The following NCKAP5 variants were observed in gnomAD, a reference collection of about 807,000 sequenced individuals.
The protein encoded by NCKAP5 is nck-associated protein 5.
Under a neutral mutation model 167.0 loss-of-function variants are expected in NCKAP5, and 92 were observed. The observed-to-expected ratio is 0.55, with a 90% CI of 0.47 to 0.66. NCKAP5 has a LOEUF of 0.66. Ranked by LOEUF, NCKAP5 falls within the 30% of genes least tolerant of loss-of-function variation. NCKAP5 has a pLI of 0.00. For synonymous variants in NCKAP5, 891 were observed against 877.4 expected (o/e 1.02, Z -0.27); for missense variants, 2,378 against 2,315.0 (o/e 1.03, Z -0.56).
intron 4 of NCKAP5, among the ~76,000 whole-genome samples, chr2:133,281,139 A>G (rs2089920103): frequency 6.6e-6 from 1 of 152,234 alleles, no homozygotes; most frequent in Non-Finnish European, 1.5e-5. Flanking sequence ...CAGTAAGAAT[A>G]GAAGTGATTT....
intron 5 of NCKAP5, among the ~76,000 whole-genome samples, chr2:133,180,500 C>A (rs1351352764): frequency 1.3e-5 from 2 of 151,890 alleles, no homozygotes; most frequent in Non-Finnish European, 2.9e-5. Flanking sequence ...ACCAAGCCTG[C>A]CTAATTTTTG....
At chr2:133,256,514 T>C (rs1181291482) in intron 4 of NCKAP5, among the ~76,000 whole-genome samples, 1 of 152,232 alleles carries the variant, frequency 6.6e-6, no homozygotes, top group Non-Finnish European at 1.5e-5. Flanking sequence ...TAGGAAACTT[T>C]AGAAAATTAT....
chr2:132,785,077 C>T lies in NCKAP5; in HGVS notation c.1734G>A (p.Gln578=), dbSNP rs753042846. The part of the protein sequence containing the change: ...QGHGRMALNL[Q]LSDTDDNETF... Reference sequence around the variant, plus strand: ...TTTCATTGTCATCAGTGTCTGAAAGCTGGAGGTTGAGAGCCATGCGGCCAT... The same window carrying T: ...TTTCATTGTCATCAGTGTCTGAAAGTTGGAGGTTGAGAGCCATGCGGCCAT... The change falls in exon 14 of 20, where the codon CAG becomes CAA. Residue 578 remains glutamine, a synonymous_variant. Transcript: ENST00000409261. The T allele has an allele frequency of 2.5e-6, 4 of 1,614,076 alleles. No individual in the cohort carries two copies. In the East Asian group the frequency reaches 6.7e-5, roughly 27 times the overall value.
At chr2:133,589,906 A>G in the NCKAP5 span, among the ~76,000 whole-genome samples, 1 of 152,270 alleles carries the variant, frequency 6.6e-6, no homozygotes. Context: ...GCTAAGGCAA[A>G]GTTGGTTGAC....
At chr2:133,422,141 C>A (rs951089295) in intron 3 of NCKAP5, among the ~76,000 whole-genome samples, 1 of 152,164 alleles carries the variant, frequency 6.6e-6, no homozygotes, top group Non-Finnish European at 1.5e-5. Context: ...GCAAACAAAG[C>A]CAGAGAATTC....
chr2:132,863,627 C>T (rs1490248677), intron 10 of NCKAP5, among the ~76,000 whole-genome samples: 1 of 152,128 alleles, frequency 6.6e-6, no homozygotes. Context: ...TCACTATTGG[C>T]ACATCCAGCT....
chr2:133,296,669 G>C (rs940069017), intron 4 of NCKAP5, among the ~76,000 whole-genome samples: 6 of 152,120 alleles, frequency 3.9e-5, no homozygotes, highest in African/African-American at 1.4e-4. Context: ...TCAGTGCTGA[G>C]TAATCTTAAA....
At chr2:132,871,150 C>T (rs1019292198) in intron 9 of NCKAP5, among the ~76,000 whole-genome samples, 6 of 152,160 alleles carry the variant, frequency 3.9e-5, no homozygotes, top group Non-Finnish European at 7.4e-5. Context: ...GTTCCTTTAT[C>T]ACTTTATTTA....
At chr2:132,974,216 T>C (rs1054453416) in intron 7 of NCKAP5, among the ~76,000 whole-genome samples, 8 of 152,202 alleles carry the variant, frequency 5.3e-5, no homozygotes, top group African/African-American at 1.9e-4. Context: ...AACTAGTCAT[T>C]TGTAGAAGTT....
At chr2:132,790,275 G>A in intron 12 of NCKAP5, 70 bp from the exon 13 acceptor site, 1 of 1,381,254 alleles carries the variant, frequency 7.2e-7, no homozygotes, top group East Asian at 2.5e-5. Flanking sequence ...CAACCTTATG[G>A]TGAGGTAGAT....
intron 3 of NCKAP5, among the ~76,000 whole-genome samples, chr2:133,452,040 G>A (rs1435506257): frequency 6.6e-6 from 1 of 152,152 alleles, no homozygotes; most frequent in African/African-American, 2.4e-5. Flanking sequence ...TTAAGGACAG[G>A]TGATCTAGCA....
the NCKAP5 span, among the ~76,000 whole-genome samples, chr2:133,598,675 G>A: frequency 6.6e-6 from 1 of 152,206 alleles, no homozygotes; most frequent in Non-Finnish European, 1.5e-5. Context: ...GAGATGGGGA[G>A]TCCCAAAATA....
intron 6 of NCKAP5, among the ~76,000 whole-genome samples, chr2:133,003,988 G>A (rs893671762): frequency 3.9e-5 from 6 of 152,262 alleles, no homozygotes; most frequent in Non-Finnish European, 5.9e-5. Flanking sequence ...GAGAAGTCCC[G>A]TTTTGCACAT....
intron 11 of NCKAP5, among the ~76,000 whole-genome samples, chr2:132,857,607 A>T (rs1425235712): frequency 6.6e-6 from 1 of 152,178 alleles, no homozygotes; most frequent in African/African-American, 2.4e-5. Context: ...CTGTAAGAAC[A>T]TTACTTTTGG....
intron 6 of NCKAP5, chr2:133,122,708 G>A (rs947216671): frequency 2.0e-5 from 3 of 151,978 alleles, no homozygotes; most frequent in African/African-American, 7.3e-5. Flanking sequence ...AAATAGACAT[G>A]GCCAAAACCC....
At chr2:133,427,477 A>G (rs7577935) in intron 3 of NCKAP5, among the ~76,000 whole-genome samples, 66,016 of 151,906 alleles carry the variant, frequency 0.43, 15,152 homozygotes, top group African/African-American at 0.59. Flanking sequence ...TAATTCCCAT[A>G]TAATTTAATT....
At chr2:132,937,558 C>T (rs976122183) in intron 8 of NCKAP5, among the ~76,000 whole-genome samples, 6 of 152,090 alleles carry the variant, frequency 3.9e-5, no homozygotes, top group Non-Finnish European at 7.4e-5. Context: ...AAAACTCATA[C>T]GTTAGGAATT....
chr2:132,976,127 A>G lies in NCKAP5; in HGVS notation c.430-12258T>C, dbSNP rs2076970261. Among the ~76,000 whole-genome samples, 2 of 152,216 alleles carry G rather than the reference A, an allele frequency of 1.3e-5. 1 individual carries two copies. The highest frequency in any genetic ancestry group is 4.1e-4 in the South Asian group (2 of 4,834). ...TTATGTTAAGTGAAATAAGCCAGGT[A>G]CAGAAAGACAAATATCACATGATCT... On this transcript the variant is annotated intron_variant, in intron 7 of 19. Coordinates refer to ENST00000409261, the MANE Select transcript of NCKAP5 (RefSeq NM_207363.3).
chr2:133,314,539 C>A (rs1171738995), intron 3 of NCKAP5, among the ~76,000 whole-genome samples: 1 of 152,162 alleles, frequency 6.6e-6, no homozygotes, highest in Non-Finnish European at 1.5e-5. Flanking sequence ...GATTAGTTTA[C>A]TGATTACCCC....
Sources: allele counts gnomAD v4.1 joint callset (sites outside exome capture counted in the v4.1 genomes callset), GRCh38; gene constraint gnomAD v4.1.1; transcripts MANE v1.5; gene names NCBI Gene and HGNC (gene_info 2026-07-23, HGNC 2026-07-21).